The following RPS6KC1 variants were observed in gnomAD, a reference collection of about 807,000 sequenced individuals.
The protein encoded by RPS6KC1 is inactive ribosomal protein S6 kinase delta-1.
A neutral mutation model predicts 103.8 loss-of-function variants in RPS6KC1; 54 were observed. The observed-to-expected ratio is 0.52, with a 90% CI of 0.42 to 0.65. RPS6KC1 has a LOEUF of 0.65. Among genes scored for constraint, RPS6KC1 ranks in the 30% least tolerant of loss-of-function variants. The probability of loss-of-function intolerance (pLI) is 0.00; values close to 1 mark genes in which losing one functional copy is unlikely to be tolerated. For missense variants in RPS6KC1, 1,151 were observed against 1,253.8 expected, an observed-to-expected ratio of 0.92 and a Z score of 1.24; for synonymous variants, 439 against 438.7, an observed-to-expected ratio of 1.00 and a Z score of -0.01.
the RPS6KC1 span, among the ~76,000 whole-genome samples, chr1:213,580,796 G>C: frequency 5.3e-5 from 8 of 151,902 alleles, no homozygotes; most frequent in African/African-American, 1.9e-4. Flanking sequence ...TTTAATTAAG[G>C]TGTAGACATT....
the RPS6KC1 span, among the ~76,000 whole-genome samples, chr1:213,823,161 G>A: frequency 2.6e-5 from 4 of 151,978 alleles, no homozygotes; most frequent in South Asian, 2.1e-4. Context: ...AAGGATGTTC[G>A]GTATCACCTC....
chr1:213,686,373 G>A, the RPS6KC1 span, among the ~76,000 whole-genome samples: 2 of 152,134 alleles, frequency 1.3e-5, no homozygotes, highest in Non-Finnish European at 2.9e-5. Context: ...GCTCCTGGTA[G>A]CCTTGCCCTC....
the RPS6KC1 span, among the ~76,000 whole-genome samples, chr1:213,484,746 T>A: frequency 2.0e-5 from 3 of 152,210 alleles, no homozygotes; most frequent in Non-Finnish European, 4.4e-5. Flanking sequence ...CAGAAGCAGA[T>A]CCTGAAGAAA....
At chr1:213,509,311 G>T in the RPS6KC1 span, among the ~76,000 whole-genome samples, 7 of 151,696 alleles carry the variant, frequency 4.6e-5, no homozygotes, top group African/African-American at 9.7e-5. Context: ...GTTGGTCATT[G>T]CTTTATCTTT....
the RPS6KC1 span, among the ~76,000 whole-genome samples, chr1:213,588,424 G>T: frequency 1.3e-5 from 2 of 151,416 alleles, no homozygotes; most frequent in African/African-American, 4.9e-5. Context: ...TCAGCCTCCT[G>T]AGTGGCTGGG....
At chr1:213,613,058 G>C in the RPS6KC1 span, among the ~76,000 whole-genome samples, 1 of 152,146 alleles carries the variant, frequency 6.6e-6, no homozygotes, top group African/African-American at 2.4e-5. Flanking sequence ...AGCTGTAACT[G>C]ACTCTCTCCC....
rs1324507747 is a variant in RPS6KC1, at chr1:213,121,852, G to A, written c.472+4442G>A. Among the ~76,000 whole-genome samples, 3 of 152,096 alleles carry A rather than the reference G, an allele frequency of 2.0e-5. No individual in the cohort carries two copies. The East Asian group carries it at 5.8e-4, about 29-fold the overall frequency. On this transcript the variant is annotated intron_variant, in intron 5 of 14. Transcript: ENST00000366960. ...ACCACAAAGAAAAATTGAATGATCAGCTTATTGTATGTAGCATATCTTAAG... is the reference window on the plus strand; with the variant it reads ...ACCACAAAGAAAAATTGAATGATCAACTTATTGTATGTAGCATATCTTAAG...
At chr1:213,588,059 A>G in the RPS6KC1 span, among the ~76,000 whole-genome samples, 1 of 152,108 alleles carries the variant, frequency 6.6e-6, no homozygotes, top group Non-Finnish European at 1.5e-5. Context: ...ACGTGGTAGA[A>G]GGGGCCAATA....
the RPS6KC1 span, among the ~76,000 whole-genome samples, chr1:213,854,838 C>T: frequency 1.6e-4 from 24 of 152,312 alleles, no homozygotes; most frequent in Admixed American, 7.2e-4. Flanking sequence ...CCATGCCCCG[C>T]CTTATCCCAG....
the RPS6KC1 span, among the ~76,000 whole-genome samples, chr1:213,476,204 G>A: frequency 0.019 from 2,926 of 152,230 alleles, 45 homozygotes; most frequent in Non-Finnish European, 0.029. Flanking sequence ...TGAAAAGACC[G>A]GTATTCCCCA....
At chr1:213,513,451 A>T in the RPS6KC1 span, among the ~76,000 whole-genome samples, 1 of 97,310 alleles carries the variant, frequency 1.0e-5, no homozygotes, top group East Asian at 3.6e-4. Context: ...TTTGTAGTAG[A>T]ACAATTGAAG....
the RPS6KC1 span, among the ~76,000 whole-genome samples, chr1:213,409,261 C>A: frequency 2.6e-5 from 4 of 151,938 alleles, no homozygotes; most frequent in South Asian, 8.4e-4. Context: ...TTTCAATGGC[C>A]AAAACCGCAA....
chr1:213,610,380 C>G, the RPS6KC1 span, among the ~76,000 whole-genome samples: 1 of 152,144 alleles, frequency 6.6e-6, no homozygotes, highest in Admixed American at 6.5e-5. Context: ...TGGTCAAGAA[C>G]TATTGCTTTG....
At chr1:213,708,946 G>A in the RPS6KC1 span, among the ~76,000 whole-genome samples, 1 of 152,174 alleles carries the variant, frequency 6.6e-6, no homozygotes, top group African/African-American at 2.4e-5. Flanking sequence ...TGCTGGATTC[G>A]GTTCGCCAGT....
At chr1:213,715,257 A>T in the RPS6KC1 span, among the ~76,000 whole-genome samples, 27,803 of 152,168 alleles carry the variant, frequency 0.18, 3,277 homozygotes, top group South Asian at 0.27. Context: ...TTTTATAAGG[A>T]TGGCAAATCT....
At chr1:213,540,152 A>C in the RPS6KC1 span, among the ~76,000 whole-genome samples, 2 of 152,038 alleles carry the variant, frequency 1.3e-5, no homozygotes, top group African/African-American at 4.8e-5. Context: ...TTGCTTTGTC[A>C]TCCTGGCTAG....
the RPS6KC1 span, among the ~76,000 whole-genome samples, chr1:213,719,027 G>T: frequency 0.081 from 12,273 of 152,270 alleles, 623 homozygotes; most frequent in Middle Eastern, 0.19. Flanking sequence ...CTGAGGGGCA[G>T]AGATGTTTGT....
At chr1:213,458,590 A>T in the RPS6KC1 span, among the ~76,000 whole-genome samples, 2 of 152,164 alleles carry the variant, frequency 1.3e-5, no homozygotes, top group Admixed American at 1.3e-4. Context: ...TCCTATTTGA[A>T]TACCCTTTAT....
the RPS6KC1 span, among the ~76,000 whole-genome samples, chr1:213,558,460 T>G: frequency 3.3e-5 from 5 of 152,290 alleles, no homozygotes; most frequent in African/African-American, 1.2e-4. Flanking sequence ...GGCCAAAACA[T>G]GAATGATCTC....
Sources: allele counts gnomAD v4.1 joint callset (sites outside exome capture counted in the v4.1 genomes callset), GRCh38; gene constraint gnomAD v4.1.1; transcripts MANE v1.5; gene names NCBI Gene and HGNC (gene_info 2026-07-23, HGNC 2026-07-21).